NUMB: variants seen among roughly 807,000 people sequenced by gnomAD.
NUMB encodes NUMB endocytic adaptor protein.
A neutral mutation model predicts 59.7 loss-of-function variants in NUMB; 29 were observed. The ratio of observed to expected loss-of-function variants is 0.49; its 90% CI spans 0.36 to 0.66. The LOEUF (loss-of-function observed/expected upper bound fraction) is 0.66, where lower values mean the gene tolerates loss of function less well. Ranked by LOEUF, NUMB falls within the 30% of genes least tolerant of loss-of-function variation. The pLI is 0.00. For synonymous variants in NUMB, 288 were observed against 288.2 expected (o/e 1.00, Z 0.01); for missense variants, 723 against 822.0 (o/e 0.88, Z 1.47).
At chr14:73,317,804 C>T (rs1891167821) in intron 5 of NUMB, among the ~76,000 whole-genome samples, 1 of 152,186 alleles carries the variant, frequency 6.6e-6, no homozygotes, top group African/African-American at 2.4e-5. Flanking sequence ...CTAGATTTAA[C>T]TTTACATTTC....
chr14:73,281,057 T>G (rs1356517989), intron 11 of NUMB, among the ~76,000 whole-genome samples: 3 of 151,716 alleles, frequency 2.0e-5, no homozygotes, highest in Admixed American at 2.0e-4. Flanking sequence ...GCAAAAAAAT[T>G]TTTTTTTTCA....
Position 73,401,590 on chromosome 14 carries a change from G to A in NUMB, c.-101+8347C>T, listed in dbSNP as rs1218460195. Among the ~76,000 whole-genome samples the A allele has an allele frequency of 7.2e-5, 8 of 110,652 alleles. No homozygotes were observed. The East Asian group carries it at 1.6e-3, about 22-fold the overall frequency. 72.6% of individuals were successfully genotyped at this position (110,652 alleles called of 152,430 possible). A position where few individuals can be genotyped will look rare whatever the true frequency, so the allele number is the denominator to read the frequency against. ...TTTTTTTTTTTTTTTTTTTTTTTGA[G>A]ACGGAGTCTCGCTCTGTCGCCCAGG... On this transcript the variant is annotated intron_variant, in intron 2 of 12. Transcript: ENST00000555238.
At chr14:73,313,668 G>GAAAAAAAAAAAAAAAAAAAAAAAAAAA (rs10582204) in intron 6 of NUMB, among the ~76,000 whole-genome samples, 2 of 124,120 alleles carry the variant, frequency 1.6e-5, no homozygotes, top group African/African-American at 6.5e-5. Context: ...TCCAAAATCT[G>GAAAAAAAAAAAAAAAAAAAAAAAAAAA]AAAAAAAAAA....
At chr14:73,406,092 GTT>G (rs551368866) in intron 2 of NUMB, among the ~76,000 whole-genome samples, 25 of 107,500 alleles carry the variant, frequency 2.3e-4, no homozygotes, top group African/African-American at 9.3e-4. Context: ...ACATATTTTT[GTT>G]TTTTTTTTTT....
chr14:73,310,134 A>G (rs1264507407), intron 6 of NUMB, among the ~76,000 whole-genome samples: 2 of 152,208 alleles, frequency 1.3e-5, no homozygotes, highest in Non-Finnish European at 2.9e-5. Flanking sequence ...CATAACCCAG[A>G]GAGGAGTTCA....
intron 2 of NUMB, among the ~76,000 whole-genome samples, chr14:73,398,934 G>C (rs1474926908): frequency 6.6e-6 from 1 of 152,070 alleles, no homozygotes; most frequent in Non-Finnish European, 1.5e-5. Flanking sequence ...TATGCATAAG[G>C]ATGTACACAG....
At chr14:73,394,036 G>T (rs1895991702) in intron 2 of NUMB, among the ~76,000 whole-genome samples, 2 of 151,726 alleles carry the variant, frequency 1.3e-5, no homozygotes, top group African/African-American at 2.4e-5. Flanking sequence ...CGCGATCTTG[G>T]CTCACTGCAG....
At chr14:73,320,591 A>G (rs1566741877) in intron 5 of NUMB, among the ~76,000 whole-genome samples, 1 of 152,150 alleles carries the variant, frequency 6.6e-6, no homozygotes, top group Non-Finnish European at 1.5e-5. Flanking sequence ...AGAAATAAAC[A>G]AAACAGTTTT....
chr14:73,440,390 G>A (rs983184594), intron 1 of NUMB, among the ~76,000 whole-genome samples: 1 of 151,840 alleles, frequency 6.6e-6, no homozygotes, highest in Non-Finnish European at 1.5e-5. Flanking sequence ...AGACTTAAAT[G>A]TAAGAGCCAA....
At chr14:73,452,012 T>C (rs1256845775) in intron 1 of NUMB, among the ~76,000 whole-genome samples, 2 of 152,058 alleles carry the variant, frequency 1.3e-5, no homozygotes, top group African/African-American at 4.8e-5. Context: ...ATCCCAACAC[T>C]TTGGGAGGAC....
intron 1 of NUMB, among the ~76,000 whole-genome samples, chr14:73,415,722 C>T (rs959729677): frequency 6.6e-6 from 1 of 152,144 alleles, no homozygotes; most frequent in African/African-American, 2.4e-5. Context: ...CCTCCTCAGC[C>T]TCCCAAAGTG....
At chr14:73,408,461 G>C (rs550123391) in intron 2 of NUMB, among the ~76,000 whole-genome samples, 1 of 151,470 alleles carries the variant, frequency 6.6e-6, no homozygotes, top group South Asian at 2.1e-4. Context: ...AGTAGGCTTT[G>C]AACTAACGTG....
intron 2 of NUMB, among the ~76,000 whole-genome samples, chr14:73,387,093 G>T (rs12586888): frequency 6.7e-6 from 1 of 150,250 alleles, no homozygotes; most frequent in East Asian, 2.0e-4. Flanking sequence ...CGTTTTAGCC[G>T]GGATGGTCTC....
rs1458764927 is a variant in NUMB, at chr14:73,284,066, T to G, written c.949+15A>C. ...GTGCTCGAGTACCCAGTGAGTCAGG[T>G]AGATGCTACATTACCTGCATTTTTA... On this transcript the variant is annotated intron_variant, in intron 10 of 12. Coordinates refer to ENST00000555238, the MANE Select transcript of NUMB (RefSeq NM_001005743.2). 54 of 1,611,970 alleles carry G rather than the reference T, an allele frequency of 3.3e-5. No individual in the cohort carries two copies. Among genetic ancestry groups the G allele is most frequent in the Non-Finnish European group, 4.4e-5 (52 of 1,178,322 alleles).
At chr14:73,292,558 C>T (rs1019732151) in intron 8 of NUMB, among the ~76,000 whole-genome samples, 176 bp downstream of exon 8, 3 of 152,144 alleles carry the variant, frequency 2.0e-5, no homozygotes, top group South Asian at 4.1e-4. Flanking sequence ...AGTTGCAACT[C>T]CTGGGGTTAC....
chr14:73,347,921 T>A (rs1893000854), intron 4 of NUMB, among the ~76,000 whole-genome samples: 2 of 152,218 alleles, frequency 1.3e-5, no homozygotes, highest in African/African-American at 4.8e-5. Flanking sequence ...ATTTACCTAC[T>A]CACTAAAATA....
At chr14:73,444,239 A>C (rs1385343529) in intron 1 of NUMB, among the ~76,000 whole-genome samples, 1 of 151,986 alleles carries the variant, frequency 6.6e-6, no homozygotes, top group African/African-American at 2.4e-5. Flanking sequence ...CTCTACTAAA[A>C]ATACAAAAAA....
chr14:73,278,025 GAC>G (rs1160879221), intron 12 of NUMB, among the ~76,000 whole-genome samples: 1 of 110,214 alleles, frequency 9.1e-6, no homozygotes, highest in African/African-American at 3.6e-5. Context: ...CCAGCCTAGT[GAC>G]ACAGCGAGAC....
At chr14:73,369,505 A>G (rs1894559499) in intron 2 of NUMB, among the ~76,000 whole-genome samples, 1 of 152,246 alleles carries the variant, frequency 6.6e-6, no homozygotes, top group Non-Finnish European at 1.5e-5. Flanking sequence ...CATAAAGTGA[A>G]AAAGTATAAC....
Sources: allele counts gnomAD v4.1 joint callset (sites outside exome capture counted in the v4.1 genomes callset), GRCh38; gene constraint gnomAD v4.1.1; transcripts MANE v1.5; gene names NCBI Gene and HGNC (gene_info 2026-07-23, HGNC 2026-07-21).